UBE2O: variants seen among roughly 807,000 people sequenced by gnomAD.
The protein encoded by UBE2O is ubiquitin conjugating enzyme E2 O.
A neutral mutation model predicts 125.8 loss-of-function variants in UBE2O; 15 were observed. That is an observed-to-expected ratio of 0.12 (90% CI 0.08 to 0.18). The LOEUF is 0.18. Among genes scored for constraint, UBE2O ranks in the 10% least tolerant of loss-of-function variants. The pLI, the probability that UBE2O is intolerant of heterozygous loss-of-function variation, is 1.00. For missense variants in UBE2O, 1,280 were observed against 1,723.6 expected (o/e 0.74, Z 4.56); for synonymous variants, 708 against 703.2 (o/e 1.01, Z -0.11).
chr17:76,423,778 C>T (rs1038832450), intron 1 of UBE2O, among the ~76,000 whole-genome samples: 2 of 151,474 alleles, frequency 1.3e-5, no homozygotes, highest in African/African-American at 4.8e-5. Flanking sequence ...AGATTCAGGC[C>T]CAGGACATAA....
chr17:76,405,432 G>T lies in UBE2O; in HGVS notation c.477+81C>A. On this transcript the variant is annotated intron_variant, in intron 2 of 17. Transcript: ENST00000319380. This position sits in a 1 kb window ranked among gnomAD's most constrained non-coding sequence, Gnocchi z 6.1. ...GCAGAGCTGGCCAGTTCTCCCACATGCAGAGTGCGAGGTGGGCAGGCTCAA... is the reference window on the plus strand; with the variant it reads ...GCAGAGCTGGCCAGTTCTCCCACATTCAGAGTGCGAGGTGGGCAGGCTCAA... 1 of 1,515,282 alleles carries T rather than the reference G, an allele frequency of 6.6e-7. No homozygotes were observed. The highest frequency in any genetic ancestry group is 9.0e-7 in the Non-Finnish European group (1 of 1,108,660). 93.9% of individuals were successfully genotyped at this position (1,515,282 alleles called of 1,614,324 possible). A position where few individuals can be genotyped will look rare whatever the true frequency, so the allele number is the denominator to read the frequency against.
Position 76,398,413 on chromosome 17 carries a change from A to AG in UBE2O, c.1897-31dup. On this transcript the variant is annotated intron_variant, in intron 11 of 17. Coordinates refer to ENST00000319380, the MANE Select transcript of UBE2O (RefSeq NM_022066.4). The surrounding 1 kb of genome is among the most constrained non-coding windows in gnomAD (Gnocchi z 5.4). The stretch of plus-strand genomic sequence containing the variant: ...GGCACAGGACAGGTTGTCATGAGCT[A>AG]GGGGTCCTACACCCAACCCCAGAGC... The AG allele has an allele frequency of 6.2e-7, 1 of 1,614,096 alleles. No individual in the cohort carries two copies. The highest frequency in any genetic ancestry group is 1.1e-5 in the South Asian group (1 of 91,088).
At chr17:76,419,130 T>TTTA (rs1388185199) in intron 1 of UBE2O, among the ~76,000 whole-genome samples, 3 of 150,370 alleles carry the variant, frequency 2.0e-5, no homozygotes, top group Admixed American at 1.3e-4. Flanking sequence ...CAGATTTTTT[T>TTTA]TTTTTAAATT....
rs34471769 is a variant in UBE2O, at chr17:76,399,652, C to T, written c.1425G>A (p.Ser475=). The T allele has an allele frequency of 3.2e-3, 5,143 of 1,614,160 alleles. 135 individuals are homozygous for T. In the African/African-American group the frequency reaches 0.062, roughly 19 times the overall value. ...LKEGRDDRLH[S]AEQDADDEAA... ...CCTCATCATCTGCGTCCTGCTCTGC[C>T]GAGTGCAGCCTGTCATCTCTGCCTT... The change falls in exon 9 of 18, where the codon TCG becomes TCA. Residue 475 remains serine (S), a synonymous_variant. Transcript: ENST00000319380. This position sits in a 1 kb window ranked among gnomAD's most constrained non-coding sequence, Gnocchi z 6.9.
In UBE2O at chr17:76,398,800, A is replaced by G. The variant is rs2072262593; in HGVS notation, c.1783+37T>C. 6.2e-7 allele frequency: 1 copy of G among 1,604,786 alleles called. No homozygotes were observed. The highest frequency in any genetic ancestry group is 1.3e-5 in the African/African-American group (1 of 74,842). On this transcript the variant is annotated intron_variant, in intron 10 of 17. Transcript: ENST00000319380. This position sits in a 1 kb window ranked among gnomAD's most constrained non-coding sequence, Gnocchi z 5.4. ...GCCCCAACCCGGGCCCTCATTGGCG[A>G]CCACCCTGCTGGCTGCCCTTCCAGA...
intron 1 of UBE2O, among the ~76,000 whole-genome samples, chr17:76,449,618 A>C (rs554411657): frequency 1.3e-5 from 2 of 152,052 alleles, no homozygotes; most frequent in Admixed American, 1.3e-4. Flanking sequence ...GTAGCAGCTT[A>C]TTAAAAAAAA....
intron 1 of UBE2O, among the ~76,000 whole-genome samples, chr17:76,450,189 T>C (rs1336485167): frequency 6.6e-6 from 1 of 152,146 alleles, no homozygotes; most frequent in Middle Eastern, 3.4e-3. Flanking sequence ...CTTTACGGCA[T>C]ACTATCACCT....
Position 76,400,550 on chromosome 17 carries a change from C to T in UBE2O, c.895G>A (p.Val299Met). Reference sequence around the variant, plus strand: ...GTAACTTTCAACTCTACAACCTGCACCTGGGGATGGCAGGTGGGACACGCC... The same window carrying T: ...GTAACTTTCAACTCTACAACCTGCATCTGGGGATGGCAGGTGGGACACGCC... Reference protein sequence around the residue: ...KSKFRVVVEEVQVVELKVTWI... With the variant: ...KSKFRVVVEEMQVVELKVTWI... The change falls in exon 7 of 18, where the codon GTG becomes ATG. Residue 299 changes from valine to methionine, a missense_variant and splice_region_variant. Val to Met is a conservative substitution (Grantham distance 21). Around this residue, in one of 10 missense-constraint regions of UBE2O, gnomAD observed 206 missense variants for 315.7 expected, o/e 0.65. Transcript: ENST00000319380. This position sits in a 1 kb window ranked among gnomAD's most constrained non-coding sequence, Gnocchi z 4.3. 2 of 1,607,938 alleles carry T rather than the reference C, an allele frequency of 1.2e-6. No homozygotes were observed. Among genetic ancestry groups the T allele is most frequent in the Non-Finnish European group, 1.7e-6 (2 of 1,176,240 alleles).
intron 1 of UBE2O, among the ~76,000 whole-genome samples, chr17:76,433,370 G>A (rs1435420482): frequency 2.0e-5 from 3 of 147,958 alleles, no homozygotes; most frequent in African/African-American, 7.6e-5. Flanking sequence ...CCATTTATAT[G>A]AAATGTCCAA....
intron 1 of UBE2O, among the ~76,000 whole-genome samples, chr17:76,437,524 G>A (rs2143875307): frequency 6.6e-6 from 1 of 152,112 alleles, no homozygotes; most frequent in East Asian, 1.9e-4. Flanking sequence ...ATTGGATCCT[G>A]GAAAAGAAAA....
At chr17:76,429,301 T>G (rs2072864399) in intron 1 of UBE2O, among the ~76,000 whole-genome samples, 1 of 151,704 alleles carries the variant, frequency 6.6e-6, no homozygotes, top group East Asian at 2.0e-4. Context: ...CAGCACTTTG[T>G]GAGGCTGAGG....
intron 1 of UBE2O, among the ~76,000 whole-genome samples, chr17:76,418,861 G>A (rs975822552): frequency 5.3e-5 from 8 of 152,126 alleles, no homozygotes; most frequent in Non-Finnish European, 1.2e-4. Flanking sequence ...GAGCCACCGC[G>A]CCTGTCCGGA....
rs2072352259 is a variant in UBE2O at position 76,402,809 on chromosome 17, C to T, written c.589-110G>A. The stretch of plus-strand genomic sequence containing the variant: ...ACAGGATGGGGGAGGATCTAGACAG[C>T]TCACTGACTGGACCGGTTGGCTACT... On this transcript the variant is annotated intron_variant, in intron 3 of 17. Transcript: ENST00000319380. The surrounding 1 kb of genome is among the most constrained non-coding windows in gnomAD (Gnocchi z 5.4). 1.1e-6 allele frequency: 1 copy of T among 921,110 alleles called. No homozygotes were observed. The highest frequency in any genetic ancestry group is 1.8e-6 in the Non-Finnish European group (1 of 570,624). The allele number at this position is 921,110 out of a possible 1,614,324, so 57.1% of individuals were successfully genotyped here. A position where few individuals can be genotyped will look rare whatever the true frequency, so the allele number is the denominator to read the frequency against.
intron 1 of UBE2O, among the ~76,000 whole-genome samples, chr17:76,417,170 C>T (rs1241111941): frequency 6.6e-6 from 1 of 152,220 alleles, no homozygotes; most frequent in Non-Finnish European, 1.5e-5. Context: ...CTCCTGGGGT[C>T]CTGATTTCCA....
intron 1 of UBE2O, among the ~76,000 whole-genome samples, chr17:76,446,958 C>A (rs1476843120): frequency 6.6e-6 from 1 of 152,226 alleles, no homozygotes; most frequent in Non-Finnish European, 1.5e-5. Flanking sequence ...AGAGTGGAAT[C>A]TGCAGAAGCA....
intron 1 of UBE2O, among the ~76,000 whole-genome samples, chr17:76,420,895 T>C (rs972378112): frequency 2.0e-5 from 3 of 151,930 alleles, no homozygotes; most frequent in Non-Finnish European, 4.4e-5. Context: ...CCCCTAGACT[T>C]CCAAATGCTA....
intron 1 of UBE2O, among the ~76,000 whole-genome samples, chr17:76,440,922 C>A (rs941194923): frequency 5.3e-5 from 8 of 152,172 alleles, no homozygotes; most frequent in African/African-American, 1.9e-4. Flanking sequence ...GAGGGCAGGG[C>A]CTGTGTGGGG....
Position 76,405,389 on chromosome 17 carries a change from A to C in UBE2O, c.478-73T>G. 1 of 1,515,398 alleles carries C rather than the reference A, an allele frequency of 6.6e-7. No homozygotes were observed. The highest frequency in any genetic ancestry group is 9.1e-7 in the Non-Finnish European group (1 of 1,104,202). The allele number at this position is 1,515,398 out of a possible 1,614,324, so 93.9% of individuals were successfully genotyped here. A position where few individuals can be genotyped will look rare whatever the true frequency, so the allele number is the denominator to read the frequency against. On this transcript the variant is annotated intron_variant, in intron 2 of 17. Transcript: ENST00000319380. The surrounding 1 kb of genome is among the most constrained non-coding windows in gnomAD (Gnocchi z 6.1). Reference sequence around the variant, plus strand: ...TCACCAGGGGAGACCCAGCCCAGGCAACCCCAGCGCACCCCCTGCAGAGCT... The same window carrying C: ...TCACCAGGGGAGACCCAGCCCAGGCCACCCCAGCGCACCCCCTGCAGAGCT...
In UBE2O at chr17:76,396,564, C is replaced by G. The variant is rs1469542999; in HGVS notation, c.2373G>C (p.Met791Ile). The change falls in exon 14 of 18, where the codon ATG becomes ATC. Residue 791 changes from methionine (M) to isoleucine (I), a missense_variant. Around this residue, in one of 10 missense-constraint regions of UBE2O, gnomAD observed 210 missense variants for 268.9 expected, o/e 0.78. Transcript: ENST00000319380. The surrounding 1 kb of genome is among the most constrained non-coding windows in gnomAD (Gnocchi z 6.7). Reference protein sequence around the residue: ...ATAAVQGAVAMAAPMAGLMEK... With the variant: ...ATAAVQGAVAIAAPMAGLMEK... ...CCATCAGCCCGGCCATGGGGGCAGC[C>G]ATGGCCACAGCCCCCTGGACGGCAG... is the stretch of plus-strand genomic sequence containing the variant. 6.2e-7 allele frequency: 1 copy of G among 1,610,400 alleles called. No individual in the cohort carries two copies. Among genetic ancestry groups the G allele is most frequent in the South Asian group, 1.1e-5 (1 of 90,718 alleles).
Sources: allele counts gnomAD v4.1 joint callset (sites outside exome capture counted in the v4.1 genomes callset), GRCh38; gene constraint gnomAD v4.1.1; regional missense constraint gnomAD v4.1.1; non-coding constraint Gnocchi (gnomAD v3.1); transcripts MANE v1.5; gene names NCBI Gene and HGNC (gene_info 2026-07-23, HGNC 2026-07-21).